ASPSCR1: variants seen among roughly 807,000 people sequenced by gnomAD.
The protein encoded by ASPSCR1 is tether containing UBX domain for GLUT4.
In ASPSCR1, 55 loss-of-function variants were observed where a neutral mutation model predicts 68.9. That is an observed-to-expected ratio of 0.80 (90% CI 0.64 to 1.00). The LOEUF is 1.00. Among genes scored for constraint, ASPSCR1 ranks in the 50% least tolerant of loss-of-function variants. The pLI, the probability that ASPSCR1 is intolerant of heterozygous loss-of-function variation, is 0.00. For synonymous variants in ASPSCR1, 352 were observed against 332.6 expected (o/e 1.06, Z -0.63); for missense variants, 765 against 762.2 (o/e 1.00, Z -0.04).
chr17:82,001,660 G>A (rs930550688), intron 7 of ASPSCR1, among the ~76,000 whole-genome samples: 6 of 152,296 alleles, frequency 3.9e-5, no homozygotes, highest in Non-Finnish European at 5.9e-5. Flanking sequence ...TGGGCGAGTC[G>A]GCTGCTGCAG....
intron 4 of ASPSCR1, among the ~76,000 whole-genome samples, chr17:81,988,454 CAAAAA>C (rs1231233227): frequency 1.4e-5 from 1 of 71,016 alleles, no homozygotes; most frequent in African/African-American, 5.3e-5. Flanking sequence ...GACTCCGTCT[CAAAAA>C]AAAAAAAAAA....
chr17:81,989,810 A>C (rs1265158781), intron 4 of ASPSCR1, among the ~76,000 whole-genome samples: 1 of 152,192 alleles, frequency 6.6e-6, no homozygotes, highest in East Asian at 1.9e-4. Flanking sequence ...GAGGTGACTC[A>C]CATTTTCTTT....
At chr17:82,014,950 G>A in intron 12 of ASPSCR1, 1 of 1,177,622 alleles carries the variant, frequency 8.5e-7, no homozygotes, top group South Asian at 1.6e-5. Flanking sequence ...GCCAGGCAGG[G>A]GCAGCCTGAG....
rs1279038775 is a variant in ASPSCR1 at position 82,016,775 on chromosome 17, AGGGTGAGCTT to A, written c.1406-21_1406-12del. The A allele has an allele frequency of 6.2e-7, 1 of 1,603,586 alleles. No homozygotes were observed. Among genetic ancestry groups the A allele is most frequent in the East Asian group, 2.2e-5 (1 of 44,762 alleles). ...TGAGTGGACCCCTCCTCAGAGGCTC[AGGGTGAGCTT>A]GGGCCTCCCTGCAGGTGTCTACCTG... On this transcript the variant is annotated splice_polypyrimidine_tract_variant and intron_variant, in intron 13 of 15. Transcript: ENST00000306739.
At chr17:82,005,120 G>A (rs1476385140) in intron 7 of ASPSCR1, 4 of 152,352 alleles carry the variant, frequency 2.6e-5, no homozygotes, top group Non-Finnish European at 5.9e-5. Flanking sequence ...GAGGTGGCAA[G>A]GGCTTTGGGG....
intron 7 of ASPSCR1, among the ~76,000 whole-genome samples, chr17:82,002,240 CTTTTCATT>C (rs1006416001): frequency 2.8e-4 from 42 of 151,278 alleles, no homozygotes; most frequent in African/African-American, 9.7e-4. Context: ...ATATTTTCAT[CTTTTCATT>C]TTCATTTTAT....
intron 5 of ASPSCR1, among the ~76,000 whole-genome samples, chr17:81,995,763 G>T (rs918499794): frequency 6.6e-6 from 1 of 152,248 alleles, no homozygotes; most frequent in African/African-American, 2.4e-5. Flanking sequence ...CCAGGCTGGG[G>T]GAGACACGGT....
intron 9 of ASPSCR1, 93 bp from the exon 10 acceptor site, chr17:82,010,709 C>T (rs2042907747): frequency 3.7e-6 from 5 of 1,362,204 alleles, no homozygotes; most frequent in Non-Finnish European, 4.2e-6. Flanking sequence ...GCCCTGGTGT[C>T]CATGGCCCAG....
rs568917341 is a variant in ASPSCR1 at position 81,999,199 on chromosome 17, C to T, written c.933+2353C>T. ...GATGGGAGGAGGCTGTTTCCCAGCC[C>T]CTGTGTCCCCTGAGGGCCAGGCTGC... On this transcript the variant is annotated intron_variant, in intron 7 of 15. Coordinates refer to ENST00000306739, the MANE Select transcript of ASPSCR1 (RefSeq NM_024083.4). This position sits in a 1 kb window ranked among gnomAD's most constrained non-coding sequence, Gnocchi z 4.4. Among the ~76,000 whole-genome samples, 2 of 152,356 alleles carry T rather than the reference C, an allele frequency of 1.3e-5. No individual in the cohort carries two copies. The highest frequency in any genetic ancestry group is 4.1e-4 in the South Asian group (2 of 4,834).
chr17:81,999,291 G>A lies in ASPSCR1; in HGVS notation c.933+2445G>A, dbSNP rs1018423414. On this transcript the variant is annotated intron_variant, in intron 7 of 15. Transcript: ENST00000306739. The surrounding 1 kb of genome is among the most constrained non-coding windows in gnomAD (Gnocchi z 4.4). ...GAGCTCCTGCTGACGTAGTGGGCCT[G>A]GAAGGCCCCCATGCCTCCATCTCCT... Among the ~76,000 whole-genome samples the A allele has an allele frequency of 6.6e-6, 1 of 152,176 alleles. No individual in the cohort carries two copies. The highest frequency in any genetic ancestry group is 2.1e-4 in the South Asian group (1 of 4,830).
At chr17:82,010,121 C>CTAA in intron 9 of ASPSCR1, 1 of 294,176 alleles carries the variant, frequency 3.4e-6, no homozygotes, top group Non-Finnish European at 6.7e-6. Context: ...GGAGTTTTAC[C>CTAA]ATGTTGGCCC....
intron 4 of ASPSCR1, among the ~76,000 whole-genome samples, chr17:81,989,526 G>A (rs1319340153): frequency 6.6e-6 from 1 of 152,234 alleles, no homozygotes; most frequent in Non-Finnish European, 1.5e-5. Context: ...TTCGGAGGAG[G>A]TCTGAGTCCA....
chr17:81,994,376 CAG>C (rs756356226), intron 4 of ASPSCR1, among the ~76,000 whole-genome samples: 5 of 152,246 alleles, frequency 3.3e-5, no homozygotes, highest in African/African-American at 4.8e-5. Flanking sequence ...GCGGTGGAGA[CAG>C]GGGCACCTCC....
At chr17:82,011,390 G>A (rs936703847) in intron 10 of ASPSCR1, among the ~76,000 whole-genome samples, 153 bp from the exon 11 acceptor site, 37 of 152,172 alleles carry the variant, frequency 2.4e-4, no homozygotes, top group Non-Finnish European at 4.9e-4. Flanking sequence ...GCCCAGCCAC[G>A]CCGAGCACCT....
At chr17:82,005,008 A>T (rs543898929) in intron 7 of ASPSCR1, 1 of 152,314 alleles carries the variant, frequency 6.6e-6, no homozygotes, top group Non-Finnish European at 1.5e-5. Context: ...GCCTCTTTGC[A>T]TCGGCTCAGG....
At chr17:81,994,565 G>A (rs955506572) in intron 4 of ASPSCR1, among the ~76,000 whole-genome samples, 2 of 152,182 alleles carry the variant, frequency 1.3e-5, no homozygotes, top group Admixed American at 6.5e-5. Context: ...TGGAGGTCTC[G>A]GGGGGAGCCC....
chr17:81,988,386 C>T (rs1220095754), intron 4 of ASPSCR1, among the ~76,000 whole-genome samples: 3 of 148,752 alleles, frequency 2.0e-5, no homozygotes, highest in Admixed American at 6.8e-5. Context: ...ACCCGGGAGG[C>T]GGAGGTTGTA....
rs566601619 is a variant in ASPSCR1 at position 82,009,156 on chromosome 17, C to T, written c.1053C>T (p.Asp351=). ...AGTTCTTTGAGCTGACGGTGGACGA[C>T]GTGAGAAGACGCTTGGCCCAGCTCA... The part of the protein sequence containing the change: ...PDEFFELTVD[D]VRRRLAQLKS... Residue 351 remains aspartate, a synonymous_variant, in exon 8 of 16, where the codon GAC becomes GAT. Coordinates refer to ENST00000306739, the MANE Select transcript of ASPSCR1 (RefSeq NM_024083.4). 8.1e-6 allele frequency: 13 copies of T among 1,610,706 alleles called. No homozygotes were observed. The highest frequency in any genetic ancestry group is 6.7e-5 in the East Asian group (3 of 44,784).
chr17:82,016,395 G>C (rs1174820520), intron 12 of ASPSCR1, 81 bp from the exon 13 acceptor site: 19 of 1,308,092 alleles, frequency 1.5e-5, no homozygotes, highest in East Asian at 2.5e-5. Context: ...GCTGGGGCCT[G>C]GCCCTGGGGG....
Sources: allele counts gnomAD v4.1 joint callset (sites outside exome capture counted in the v4.1 genomes callset), GRCh38; gene constraint gnomAD v4.1.1; non-coding constraint Gnocchi (gnomAD v3.1); transcripts MANE v1.5; gene names NCBI Gene and HGNC (gene_info 2026-07-23, HGNC 2026-07-21).